MCTP2: variants seen among roughly 807,000 people sequenced by gnomAD.
MCTP2 encodes the protein multiple C2 and transmembrane domain containing 2.
Under a neutral mutation model 111.6 loss-of-function variants are expected in MCTP2, and 132 were observed. That is an observed-to-expected ratio of 1.18 (90% CI 1.03 to 1.37). The LOEUF is 1.37. Among genes scored for constraint, MCTP2 ranks in the 40% most tolerant of loss-of-function variants. The probability of loss-of-function intolerance (pLI) is 0.00; values close to 1 mark genes in which losing one functional copy is unlikely to be tolerated. For missense variants in MCTP2, 1,183 were observed against 1,067.9 expected, an observed-to-expected ratio of 1.11 and a Z score of -1.50; for synonymous variants, 395 against 387.7, an observed-to-expected ratio of 1.02 and a Z score of -0.22.
At chr15:94,316,855 T>C (rs1390070519) in intron 4 of MCTP2, among the ~76,000 whole-genome samples, 1 of 152,134 alleles carries the variant, frequency 6.6e-6, no homozygotes, top group Non-Finnish European at 1.5e-5. Flanking sequence ...GCTTCGGTTC[T>C]TGGACGGTTT....
Position 94,390,084 on chromosome 15 carries a change from A to G in MCTP2, c.1788+4559A>G, listed in dbSNP as rs1453497431. Among the ~76,000 whole-genome samples the G allele has an allele frequency of 0.037, 715 of 19,256 alleles. 44 individuals are homozygous for G. The East Asian group carries it at 0.43, about 12-fold the overall frequency. 12.6% of individuals were successfully genotyped at this position (19,256 alleles called of 152,430 possible). A position where few individuals can be genotyped will look rare whatever the true frequency, so the allele number is the denominator to read the frequency against. Reference sequence around the variant, plus strand: ...TATATATATATATATATATATATATATATATGTATATATATATATATATAT... The same window carrying G: ...TATATATATATATATATATATATATGTATATGTATATATATATATATATAT... On this transcript the variant is annotated intron_variant, in intron 14 of 22. Coordinates refer to ENST00000357742, the MANE Select transcript of MCTP2 (RefSeq NM_001385001.1).
chr15:94,315,088 G>A (rs1238572990), intron 3 of MCTP2, among the ~76,000 whole-genome samples: 1 of 152,160 alleles, frequency 6.6e-6, no homozygotes, highest in Non-Finnish European at 1.5e-5. Flanking sequence ...GGGGGTTGGT[G>A]GGAAGGGTGG....
intron 1 of MCTP2, among the ~76,000 whole-genome samples, chr15:94,282,495 G>A (rs577579761): frequency 1.6e-4 from 24 of 152,260 alleles, no homozygotes; most frequent in African/African-American, 5.5e-4. Flanking sequence ...ATATCTTGAC[G>A]AGTGAGCTTC....
chr15:94,377,129 A>G (rs1040468467), intron 12 of MCTP2, among the ~76,000 whole-genome samples: 1 of 152,164 alleles, frequency 6.6e-6, no homozygotes, highest in African/African-American at 2.4e-5. Context: ...GTGTCAGAAG[A>G]GGAATAGTCT....
chr15:94,345,218 A>G, intron 8 of MCTP2, 54 bp downstream of exon 8: 1 of 1,542,756 alleles, frequency 6.5e-7, no homozygotes, highest in Non-Finnish European at 8.9e-7. Flanking sequence ...TTGTCTTTGT[A>G]GCAAACAAAA....
intron 22 of MCTP2, among the ~76,000 whole-genome samples, chr15:94,478,471 T>C (rs979269986): frequency 3.9e-5 from 6 of 152,242 alleles, no homozygotes; most frequent in Admixed American, 2.6e-4. Flanking sequence ...ATGAAATTAA[T>C]TTCCACGAGA....
chr15:94,399,755 C>T, intron 15 of MCTP2, 166 bp from the exon 16 acceptor site: 1 of 610,322 alleles, frequency 1.6e-6, no homozygotes, highest in Non-Finnish European at 3.0e-6. Flanking sequence ...CAAATGAGAC[C>T]TCCAGAAACA....
At chr15:94,464,257 TTATATATATATA>T (rs1555481313) in intron 20 of MCTP2, among the ~76,000 whole-genome samples, 1 of 44,964 alleles carries the variant, frequency 2.2e-5, no homozygotes, top group African/African-American at 6.0e-5. Flanking sequence ...TATATATATA[TTATATATATATA>T]TATATATATA....
At chr15:94,469,896 A>G (rs925637756) in intron 20 of MCTP2, among the ~76,000 whole-genome samples, 1 of 151,838 alleles carries the variant, frequency 6.6e-6, no homozygotes, top group African/African-American at 2.4e-5. Flanking sequence ...AAAAAAAAAA[A>G]GTTCTCCCTT....
intron 12 of MCTP2, among the ~76,000 whole-genome samples, chr15:94,372,497 A>G (rs2079540751): frequency 1.3e-5 from 2 of 152,236 alleles, no homozygotes; most frequent in South Asian, 2.1e-4. Flanking sequence ...GTAGCAATGA[A>G]TACCTCTAAG....
chr15:94,423,245 C>A (rs2082712481), intron 17 of MCTP2, among the ~76,000 whole-genome samples: 1 of 152,118 alleles, frequency 6.6e-6, no homozygotes, highest in Non-Finnish European at 1.5e-5. Context: ...CATTCAAGTT[C>A]ATCGTTGCAT....
intron 2 of MCTP2, among the ~76,000 whole-genome samples, chr15:94,298,983 C>T (rs2075449472): frequency 2.5e-5 from 2 of 78,678 alleles, no homozygotes; most frequent in South Asian, 1.3e-3. Context: ...CTCCCTCTCC[C>T]TCTCCCTCTC....
In MCTP2 at chr15:94,480,814, A is replaced by G. The variant is rs2074688523; in HGVS notation, c.*1780A>G. On this transcript the variant is annotated 3_prime_UTR_variant, in exon 23 of 23. Transcript: ENST00000357742. Reference sequence around the variant, plus strand: ...TACTTTATTGTTGTTCTTTTGCTATAGAATTTCAAAATGAAATTATTTGCC... The same window carrying G: ...TACTTTATTGTTGTTCTTTTGCTATGGAATTTCAAAATGAAATTATTTGCC... The G allele has an allele frequency of 6.6e-6, 1 of 152,236 alleles. No homozygotes were observed. The highest frequency in any genetic ancestry group is 1.5e-5 in the Non-Finnish European group (1 of 68,044). The allele number at this position is 152,236 out of a possible 1,614,324, so 9.4% of individuals were successfully genotyped here. A position where few individuals can be genotyped will look rare whatever the true frequency, so the allele number is the denominator to read the frequency against.
intron 1 of MCTP2, among the ~76,000 whole-genome samples, chr15:94,277,032 G>A (rs2074254596): frequency 6.7e-6 from 1 of 150,242 alleles, no homozygotes. Context: ...TGTCTACATA[G>A]AAAATCATAG....
At chr15:94,471,969 T>G (rs1445081082) in intron 21 of MCTP2, among the ~76,000 whole-genome samples, 1 of 152,202 alleles carries the variant, frequency 6.6e-6, no homozygotes, top group Non-Finnish European at 1.5e-5. Context: ...TTGTTCACTT[T>G]TAAGTTCATG....
intron 1 of MCTP2, among the ~76,000 whole-genome samples, chr15:94,297,434 T>G (rs1406400890): frequency 6.6e-6 from 1 of 152,188 alleles, no homozygotes; most frequent in African/African-American, 2.4e-5. Flanking sequence ...ATTTTGTCAT[T>G]TCTTCTGAAT....
chr15:94,390,277 T>C (rs778062068), intron 14 of MCTP2, among the ~76,000 whole-genome samples: 7 of 151,912 alleles, frequency 4.6e-5, no homozygotes, highest in Non-Finnish European at 7.4e-5. Flanking sequence ...TTAAAAACAG[T>C]AGAAAATTGA....
intron 4 of MCTP2, among the ~76,000 whole-genome samples, chr15:94,334,468 T>A (rs947838899): frequency 6.6e-6 from 1 of 152,246 alleles, no homozygotes; most frequent in Non-Finnish European, 1.5e-5. Context: ...TCATAGGTGG[T>A]CCAAATAATG....
At chr15:94,346,248 A>G (rs887664531) in intron 8 of MCTP2, among the ~76,000 whole-genome samples, 1 of 152,246 alleles carries the variant, frequency 6.6e-6, no homozygotes, top group African/African-American at 2.4e-5. Flanking sequence ...GTTCTGACTC[A>G]TACTTACTAA....
Sources: allele counts gnomAD v4.1 joint callset (sites outside exome capture counted in the v4.1 genomes callset), GRCh38; gene constraint gnomAD v4.1.1; transcripts MANE v1.5; gene names NCBI Gene and HGNC (gene_info 2026-07-23, HGNC 2026-07-21).